INTS9: variants seen among roughly 807,000 people sequenced by gnomAD.
INTS9 encodes integrator complex subunit 9, also known as protein related to CPSF subunits of 74 kDa.
INTS9 carries 55 observed loss-of-function variants against 79.7 expected under a neutral mutation model. That is an observed-to-expected ratio of 0.69 (90% CI 0.56 to 0.86). The LOEUF is 0.86. INTS9 is among the 40% of genes least tolerant of loss of function. The probability of loss-of-function intolerance (pLI) is 0.00; values close to 1 mark genes in which losing one functional copy is unlikely to be tolerated. For synonymous variants in INTS9, 319 were observed against 325.2 expected (o/e 0.98, Z 0.20); for missense variants, 721 against 831.5 (o/e 0.87, Z 1.64).
At chr8:28,787,922 G>C in intron 10 of INTS9, 33 bp from the exon 11 acceptor site, 1 of 1,519,270 alleles carries the variant, frequency 6.6e-7, no homozygotes, top group African/African-American at 1.4e-5. Flanking sequence ...CAGCATGTGA[G>C]GAAGAGCATA....
chr8:28,836,921 C>T (rs558853505), intron 5 of INTS9, among the ~76,000 whole-genome samples: 1 of 152,298 alleles, frequency 6.6e-6, no homozygotes, highest in South Asian at 2.1e-4. Context: ...TGGAACCTGA[C>T]AGTTTCAACT....
chr8:28,776,799 G>A (rs760080698), intron 13 of INTS9, among the ~76,000 whole-genome samples: 29 of 152,156 alleles, frequency 1.9e-4, no homozygotes, highest in Non-Finnish European at 2.8e-4. Flanking sequence ...TGGAGACCAG[G>A]TGGCCTCCAG....
intron 13 of INTS9, chr8:28,776,250 A>G (rs1056030838): frequency 5.8e-4 from 131 of 226,012 alleles, no homozygotes; most frequent in African/African-American, 2.8e-3. Context: ...TTTCTCTAAC[A>G]TTCCCACATG....
chr8:28,815,891 T>A (rs746873096), intron 6 of INTS9, among the ~76,000 whole-genome samples: 52 of 152,138 alleles, frequency 3.4e-4, no homozygotes, highest in Non-Finnish European at 5.1e-4. Context: ...GAACACAGTG[T>A]ACACTTGAGA....
At chr8:28,792,638 G>A (rs1026748183) in intron 10 of INTS9, among the ~76,000 whole-genome samples, 2 of 152,178 alleles carry the variant, frequency 1.3e-5, no homozygotes, top group South Asian at 4.1e-4. Flanking sequence ...TTAAGGGTGG[G>A]CGCAGTGGCT....
intron 14 of INTS9, among the ~76,000 whole-genome samples, chr8:28,773,332 C>T (rs1457849501): frequency 1.3e-5 from 2 of 151,426 alleles, no homozygotes; most frequent in Non-Finnish European, 1.5e-5. Context: ...GGCATGGTGG[C>T]GGGTGCCTGT....
At chr8:28,878,318 G>C (rs1156229665) in intron 1 of INTS9, among the ~76,000 whole-genome samples, 1 of 151,928 alleles carries the variant, frequency 6.6e-6, no homozygotes, top group Non-Finnish European at 1.5e-5. Context: ...TCATTTAACT[G>C]TTTTTGTTTT....
chr8:28,768,738 G>A lies in INTS9; in HGVS notation c.1801-416C>T, dbSNP rs192814990. Reference sequence around the variant, plus strand: ...TGGCAGAGCCCTCTCAAGAGTGAAGGAGAGAAGGCAGCAGTGCAAACTTCT... The same window carrying A: ...TGGCAGAGCCCTCTCAAGAGTGAAGAAGAGAAGGCAGCAGTGCAAACTTCT... On this transcript the variant is annotated intron_variant, in intron 16 of 16. Coordinates refer to ENST00000521022, the MANE Select transcript of INTS9 (RefSeq NM_018250.4). Among the ~76,000 whole-genome samples, 689 of 152,324 alleles carry A rather than the reference G, an allele frequency of 4.5e-3. 9 individuals carry two copies. The highest frequency in any genetic ancestry group is 0.015 in the African/African-American group (618 of 41,560).
chr8:28,839,734 C>T (rs1807046965), intron 4 of INTS9, among the ~76,000 whole-genome samples: 1 of 152,048 alleles, frequency 6.6e-6, no homozygotes, highest in Non-Finnish European at 1.5e-5. Context: ...AACTGGCTAG[C>T]CATATGTAGA....
chr8:28,868,919 C>T lies in INTS9; in HGVS notation c.10-9356G>A, dbSNP rs561831333. Among the ~76,000 whole-genome samples, 194 of 152,056 alleles carry T rather than the reference C, an allele frequency of 1.3e-3. 2 individuals are homozygous for T. Among genetic ancestry groups the T allele is most frequent in the Admixed American group, 6.5e-4 (10 of 15,286 alleles). ...TTCAAGACCAGCCTGGCCAACATGGCGAAACCCCGTCTCTACTAAAAATAG... is the reference window on the plus strand; with the variant it reads ...TTCAAGACCAGCCTGGCCAACATGGTGAAACCCCGTCTCTACTAAAAATAG... On this transcript the variant is annotated intron_variant, in intron 1 of 16. Transcript: ENST00000521022.
chr8:28,800,919 A>G (rs1287556699), intron 8 of INTS9, among the ~76,000 whole-genome samples: 2 of 152,236 alleles, frequency 1.3e-5, no homozygotes, highest in African/African-American at 4.8e-5. Flanking sequence ...CAAACAAGAT[A>G]GCAAGCGTGG....
At chr8:28,889,429 G>C (rs987389157) in intron 1 of INTS9, among the ~76,000 whole-genome samples, 1 of 152,196 alleles carries the variant, frequency 6.6e-6, no homozygotes, top group African/African-American at 2.4e-5. Flanking sequence ...TTTAATAAGT[G>C]ATTACGTTCT....
Position 28,769,999 on chromosome 8 carries a change from T to C in INTS9, c.1690A>G (p.Ser564Gly), listed in dbSNP as rs375913055. 1 of 1,614,118 alleles carries C rather than the reference T, an allele frequency of 6.2e-7. No individual in the cohort carries two copies. The highest frequency in any genetic ancestry group is 8.5e-7 in the Non-Finnish European group (1 of 1,180,024). Residue 564 changes from serine (S) to glycine (G), a missense_variant, in exon 16 of 17, where the codon AGC becomes GGC. Transcript: ENST00000521022. ...CTCACCCGCTTTCTCTTCTTCCCGC[T>C]CGTGGGCTGGGCGGGCCGAGGAGGG... ...QPPPRPAQPT[S>G]GKKRKRVSDD...
At chr8:28,839,638 A>G (rs866382702) in intron 4 of INTS9, among the ~76,000 whole-genome samples, 46 of 152,312 alleles carry the variant, frequency 3.0e-4, no homozygotes, top group African/African-American at 9.6e-4. Context: ...ATAACGCCGC[A>G]TATCTATAAC....
intron 12 of INTS9, among the ~76,000 whole-genome samples, chr8:28,780,056 T>TG (rs1450429245): frequency 4.0e-5 from 6 of 151,088 alleles, no homozygotes; most frequent in Middle Eastern, 6.8e-3. Context: ...AATCAAGGTT[T>TG]TTTTTTTTTT....
chr8:28,772,034 ATT>A (rs372277453), intron 14 of INTS9, among the ~76,000 whole-genome samples: 1 of 151,916 alleles, frequency 6.6e-6, no homozygotes, highest in Non-Finnish European at 1.5e-5. Context: ...CTAATTTATT[ATT>A]TTTTTGTAGA....
chr8:28,783,240 CATA>C (rs1475667126), intron 11 of INTS9, among the ~76,000 whole-genome samples: 1 of 151,734 alleles, frequency 6.6e-6, no homozygotes, highest in Non-Finnish European at 1.5e-5. Context: ...TCCCCTGCAG[CATA>C]ACACTTGACA....
chr8:28,817,148 CTTTAG>C (rs1805534544), intron 6 of INTS9, among the ~76,000 whole-genome samples: 1 of 150,550 alleles, frequency 6.6e-6, no homozygotes, highest in Non-Finnish European at 1.5e-5. Context: ...TGCAGAAGCT[CTTTAG>C]TTTAATTAGA....
At chr8:28,771,154 C>A (rs1563237101) in intron 14 of INTS9, 74 bp from the exon 15 acceptor site, 1 of 1,035,044 alleles carries the variant, frequency 9.7e-7, no homozygotes, top group Middle Eastern at 2.0e-4. Flanking sequence ...TCTGTATTTA[C>A]ATCACTGCAG....
Sources: gnomAD v4.1 joint callset for allele counts (sites outside exome capture counted in the v4.1 genomes callset) on GRCh38, gnomAD v4.1.1 for gene constraint, MANE v1.5 for transcripts, NCBI Gene and HGNC (gene_info 2026-07-23, HGNC 2026-07-21) for gene names.